IQCK: variants seen among roughly 807,000 people sequenced by gnomAD.
IQCK encodes IQ motif containing K, also known as IQ domain-containing protein K.
Under a neutral mutation model 28.1 loss-of-function variants are expected in IQCK, and 29 were observed. The observed-to-expected ratio is 1.03, with a 90% CI of 0.77 to 1.41. The LOEUF (loss-of-function observed/expected upper bound fraction) is 1.41, where lower values mean the gene tolerates loss of function less well. Ranked by LOEUF, IQCK falls within the 40% of genes most tolerant of loss-of-function variation. The pLI is 0.00. For missense variants in IQCK, 359 were observed against 314.7 expected (o/e 1.14, Z -1.07); for synonymous variants, 113 against 115.1 (o/e 0.98, Z 0.12).
chr16:19,771,019 A>G (rs965064897), intron 6 of IQCK, among the ~76,000 whole-genome samples: 5 of 152,158 alleles, frequency 3.3e-5, no homozygotes, highest in Non-Finnish European at 5.9e-5. Flanking sequence ...CCATTGCAAA[A>G]TCCTTGACTT....
intron 6 of IQCK, among the ~76,000 whole-genome samples, chr16:19,785,142 C>G (rs554558299): frequency 4.2e-4 from 64 of 152,298 alleles, no homozygotes; most frequent in African/African-American, 1.5e-3. Flanking sequence ...AGGCCTTGCA[C>G]CAGCCCCAAG....
rs181070988 is a variant in IQCK at position 19,725,237 on chromosome 16, G to A, written c.182-5193G>A. ...TTTTATTTTTTTGAGACAGGCTGTC[G>A]CCCAGGCTGAAGTGCAGTGGCGTGA... On this transcript the variant is annotated intron_variant, in intron 1 of 7. Coordinates refer to ENST00000564186, the Ensembl canonical transcript of IQCK. Among the ~76,000 whole-genome samples the A allele has an allele frequency of 2.6e-5, 4 of 151,734 alleles. 1 individual carries two copies. The highest frequency in any genetic ancestry group is 5.9e-5 in the Non-Finnish European group (4 of 67,932).
Position 19,799,196 on chromosome 16 carries a change from A to C in IQCK, c.690+10274A>C, listed in dbSNP as rs924673000. Among the ~76,000 whole-genome samples the C allele has an allele frequency of 3.4e-5, 4 of 116,704 alleles. 1 individual carries two copies. The highest frequency in any genetic ancestry group is 6.2e-5 in the Non-Finnish European group (4 of 64,154). The allele number at this position is 116,704 out of a possible 152,430, so 76.6% of individuals were successfully genotyped here. On this transcript the variant is annotated intron_variant, in intron 7 of 7. Coordinates refer to ENST00000564186, the Ensembl canonical transcript of IQCK. ...TCTCTCCTTAATATATATTGGGAAT[A>C]TGTTTCATTATTGCCACACAAAGAT...
At chr16:19,754,208 G>A (rs978637336) in intron 4 of IQCK, among the ~76,000 whole-genome samples, 1 of 152,142 alleles carries the variant, frequency 6.6e-6, no homozygotes, top group African/African-American at 2.4e-5. Flanking sequence ...AACCACACTG[G>A]GGCCGTGCCT....
chr16:19,719,755 A>G (rs1310754028), intron 1 of IQCK, among the ~76,000 whole-genome samples: 1 of 146,384 alleles, frequency 6.8e-6, no homozygotes, highest in African/African-American at 2.5e-5. Flanking sequence ...GCTCACTGCA[A>G]CCTCCGCCTC....
chr16:19,766,022 A>C (rs980777043), intron 6 of IQCK: 1 of 152,244 alleles, frequency 6.6e-6, no homozygotes, highest in African/African-American at 2.4e-5. Flanking sequence ...ATATACTGTG[A>C]AGGAGCAGTA....
intron 4 of IQCK, among the ~76,000 whole-genome samples, chr16:19,758,567 C>T (rs1330637665): frequency 6.6e-6 from 1 of 152,194 alleles, no homozygotes; most frequent in African/African-American, 2.4e-5. Flanking sequence ...TGCCATCCTA[C>T]AATTGCCAGA....
chr16:19,832,296 GTGTT>G (rs1216885609), intron 9 of IQCK, among the ~76,000 whole-genome samples: 1 of 151,934 alleles, frequency 6.6e-6, no homozygotes, highest in African/African-American at 2.4e-5. Flanking sequence ...TATCATGTAT[GTGTT>G]TGTGTGTATA....
chr16:19,737,396 G>T (rs1411640903), intron 4 of IQCK, among the ~76,000 whole-genome samples: 2 of 152,132 alleles, frequency 1.3e-5, no homozygotes. Flanking sequence ...CCTCAGCAAT[G>T]CCTTCACAGT....
At chr16:19,747,785 C>G (rs1047138058) in intron 4 of IQCK, among the ~76,000 whole-genome samples, 4 of 152,136 alleles carry the variant, frequency 2.6e-5, no homozygotes, top group Non-Finnish European at 5.9e-5. Context: ...ATAATGCCCC[C>G]CAGTTCCATC....
chr16:19,829,970 A>G (rs1489687498), downstream of IQCK, among the ~76,000 whole-genome samples: 1 of 152,198 alleles, frequency 6.6e-6, no homozygotes, highest in African/African-American at 2.4e-5. Flanking sequence ...AACTCCTAGT[A>G]CAGTGCCTGG....
At chr16:19,762,073 A>G (rs1353352749) in intron 4 of IQCK, 1 of 152,576 alleles carries the variant, frequency 6.6e-6, no homozygotes, top group Non-Finnish European at 1.5e-5. Flanking sequence ...TCAGGAAAGC[A>G]GAATTTTCTC....
intron 6 of IQCK, among the ~76,000 whole-genome samples, chr16:19,773,419 G>A (rs1355441876): frequency 1.3e-5 from 2 of 152,176 alleles, no homozygotes; most frequent in Non-Finnish European, 2.9e-5. Context: ...CAGAAACAAT[G>A]AGAAGGAGGA....
At chr16:19,735,329 G>T (rs559178539) in intron 3 of IQCK, 24 bp from the exon 4 acceptor site, 60 of 1,554,946 alleles carry the variant, frequency 3.9e-5, no homozygotes, top group Non-Finnish European at 8.9e-7. Context: ...ATTTGCAGGG[G>T]GAATTTTTGT....
chr16:19,784,220 T>C (rs1318478957), intron 6 of IQCK, among the ~76,000 whole-genome samples: 1 of 152,120 alleles, frequency 6.6e-6, no homozygotes, highest in Non-Finnish European at 1.5e-5. Flanking sequence ...CCCATTTTTT[T>C]TTTCTTCGAA....
intron 6 of IQCK, among the ~76,000 whole-genome samples, chr16:19,777,778 C>A (rs548192170): frequency 6.6e-6 from 1 of 152,258 alleles, no homozygotes; most frequent in East Asian, 1.9e-4. Context: ...GGGCCGGGCA[C>A]GGTGGCTCAC....
chr16:19,790,228 C>CAA (rs10716576), intron 7 of IQCK, among the ~76,000 whole-genome samples: 1 of 44,538 alleles, frequency 2.2e-5, no homozygotes, highest in African/African-American at 4.6e-4. Context: ...GACCCTGTCT[C>CAA]AAAAAAAAAA....
intron 7 of IQCK, among the ~76,000 whole-genome samples, chr16:19,816,630 C>G (rs1402787225): frequency 6.6e-6 from 1 of 152,192 alleles, no homozygotes; most frequent in Non-Finnish European, 1.5e-5. Flanking sequence ...TATAAAATTA[C>G]AAAATCATTT....
chr16:19,854,884 T>C (rs185719500), intron 9 of IQCK, among the ~76,000 whole-genome samples: 137 of 152,296 alleles, frequency 9.0e-4, no homozygotes, highest in African/African-American at 3.2e-3. Flanking sequence ...GGGTTTTCAC[T>C]GTGGTTGCCC....
Sources: gnomAD v4.1 joint callset for allele counts (sites outside exome capture counted in the v4.1 genomes callset) on GRCh38, gnomAD v4.1.1 for gene constraint, MANE v1.5 for transcripts, NCBI Gene and HGNC (gene_info 2026-07-23, HGNC 2026-07-21) for gene names.